Variants in ADAM23 observed in about 807,000 individuals in gnomAD.
The protein encoded by ADAM23 is ADAM metallopeptidase domain 23, also known as disintegrin and metalloproteinase domain-containing protein 23.
Under a neutral mutation model 120.1 loss-of-function variants are expected in ADAM23, and 33 were observed. The observed-to-expected ratio is 0.27, with a 90% CI of 0.21 to 0.37. The LOEUF (loss-of-function observed/expected upper bound fraction) is 0.37. Among genes scored for constraint, ADAM23 ranks in the 10% least tolerant of loss-of-function variants. The probability of loss-of-function intolerance (pLI) is 1.00; values close to 1 mark genes in which losing one functional copy is unlikely to be tolerated. For missense variants in ADAM23, 862 were observed against 1,058.2 expected, an observed-to-expected ratio of 0.81 and a Z score of 2.57; for synonymous variants, 367 against 375.2, an observed-to-expected ratio of 0.98 and a Z score of 0.25.
At chr2:206,479,797 A>G (rs538762862) in intron 2 of ADAM23, among the ~76,000 whole-genome samples, 2 of 152,100 alleles carry the variant, frequency 1.3e-5, no homozygotes, top group Non-Finnish European at 2.9e-5. Flanking sequence ...TATGGCATTA[A>G]GGATTTAGGA....
At chr2:206,605,294 A>C (rs1320094251) in intron 24 of ADAM23, among the ~76,000 whole-genome samples, 3 of 152,246 alleles carry the variant, frequency 2.0e-5, no homozygotes, top group African/African-American at 7.2e-5. Context: ...CTTCCCAGGT[A>C]AACATGTATT....
intron 25 of ADAM23, among the ~76,000 whole-genome samples, chr2:206,611,996 C>G (rs1328497183): frequency 6.6e-6 from 1 of 152,162 alleles, no homozygotes. Context: ...TGCCCTGTAA[C>G]TCTGATAATC....
intron 3 of ADAM23, among the ~76,000 whole-genome samples, chr2:206,509,685 G>T (rs764153779): frequency 5.3e-5 from 8 of 152,220 alleles, no homozygotes; most frequent in Non-Finnish European, 8.8e-5. Flanking sequence ...CTGACCTCAG[G>T]TGATCCGCCG....
At chr2:206,486,170 A>G (rs979474407) in intron 3 of ADAM23, among the ~76,000 whole-genome samples, 1 of 152,116 alleles carries the variant, frequency 6.6e-6, no homozygotes, top group African/African-American at 2.4e-5. Flanking sequence ...TCAGATTTCT[A>G]TTTTATTTAG....
At chr2:206,461,237 T>A (rs1695412354) in intron 2 of ADAM23, among the ~76,000 whole-genome samples, 1 of 151,956 alleles carries the variant, frequency 6.6e-6, no homozygotes, top group Admixed American at 6.6e-5. Context: ...AATTTTTGTA[T>A]TTTTAGAAGA....
intron 3 of ADAM23, among the ~76,000 whole-genome samples, chr2:206,520,268 G>C (rs1696816046): frequency 6.6e-6 from 1 of 152,132 alleles, no homozygotes; most frequent in South Asian, 2.1e-4. Flanking sequence ...GGTTGTGGTG[G>C]TGCAGGAGAA....
Position 206,550,160 on chromosome 2 carries a change from G to A in ADAM23, c.933G>A (p.Thr311=). 3.2e-6 allele frequency: 5 copies of A among 1,559,960 alleles called. No homozygotes were observed. Among genetic ancestry groups the A allele is most frequent in the Non-Finnish European group, 3.5e-6 (4 of 1,136,170 alleles). The change falls in exon 9 of 26, where the codon ACG becomes ACA. Residue 311 remains threonine, a splice_region_variant and synonymous_variant. Coordinates refer to ENST00000264377, the MANE Select transcript of ADAM23 (RefSeq NM_003812.4). ...TTATGATTGTTAATGATCACAAAAC[G>A]GTAAGAATATAGAGTCAGTGGGTTT... ...LELMIVNDHK[T]YKKHRSSHAH...
intron 24 of ADAM23, among the ~76,000 whole-genome samples, chr2:206,604,434 G>A (rs192326689): frequency 3.3e-5 from 5 of 152,066 alleles, no homozygotes; most frequent in Admixed American, 3.3e-4. Context: ...TAGTTCAGGT[G>A]GTTTTGAGTT....
intron 14 of ADAM23, among the ~76,000 whole-genome samples, chr2:206,566,401 C>G (rs1697881180): frequency 2.6e-5 from 4 of 152,044 alleles, no homozygotes; most frequent in Admixed American, 1.3e-4. Flanking sequence ...AATAAGTGGC[C>G]TGTCACTCGC....
chr2:206,573,249 C>T, intron 18 of ADAM23, 54 bp downstream of exon 18: 2 of 1,530,020 alleles, frequency 1.3e-6, no homozygotes, highest in Non-Finnish European at 1.8e-6. Flanking sequence ...GTTGAGTATT[C>T]CTTACCACAG....
chr2:206,577,427 A>C (rs1325095696), intron 18 of ADAM23, among the ~76,000 whole-genome samples: 5 of 113,304 alleles, frequency 4.4e-5, no homozygotes, highest in South Asian at 3.4e-4. Flanking sequence ...CCCACCCCAC[A>C]ACAGTCCCCA....
intron 2 of ADAM23, among the ~76,000 whole-genome samples, chr2:206,479,733 C>T (rs957367284): frequency 3.3e-5 from 5 of 152,056 alleles, no homozygotes; most frequent in East Asian, 1.9e-4. Context: ...ACAGGAAGCC[C>T]ACAAGTATGG....
rs773389657 is a variant in ADAM23 at position 206,550,138 on chromosome 2, T to C, written c.911T>C (p.Met304Thr). Residue 304 changes from methionine (M) to threonine (T), a missense_variant, in exon 9 of 26, where the codon ATG becomes ACG. Transcript: ENST00000264377. ...IFEEMKYLEL[M>T]IVNDHKTYKK... The stretch of plus-strand genomic sequence containing the variant: ...GAAGAAATGAAATATTTGGAACTTA[T>C]GATTGTTAATGATCACAAAACGGTA... 2 of 1,584,256 alleles carry C rather than the reference T, an allele frequency of 1.3e-6. No individual in the cohort carries two copies. Among genetic ancestry groups the C allele is most frequent in the South Asian group, 1.1e-5 (1 of 89,368 alleles).
At chr2:206,458,186 C>T (rs1189016922) in intron 2 of ADAM23, among the ~76,000 whole-genome samples, 1 of 73,698 alleles carries the variant, frequency 1.4e-5, no homozygotes, top group Non-Finnish European at 3.1e-5. Context: ...TGGAACTGGA[C>T]AAGTTACTTA....
intron 25 of ADAM23, among the ~76,000 whole-genome samples, chr2:206,617,213 GCT>G (rs1394924128): frequency 2.1e-4 from 32 of 152,204 alleles, no homozygotes; most frequent in African/African-American, 7.2e-4. Context: ...CTCCCAATAG[GCT>G]CCTTCATGGA....
At chr2:206,547,565 C>T in intron 7 of ADAM23, 64 bp downstream of exon 7, 1 of 1,378,588 alleles carries the variant, frequency 7.3e-7, no homozygotes, top group South Asian at 1.3e-5. Context: ...TGGTGGAGCT[C>T]AGTAGATATG....
At chr2:206,507,782 C>T (rs80092916) in intron 3 of ADAM23, among the ~76,000 whole-genome samples, 378 of 152,306 alleles carry the variant, frequency 2.5e-3, no homozygotes, top group Non-Finnish European at 4.0e-3. Context: ...AAAATGCAAA[C>T]TTGCCTTTTA....
rs184453064 is a variant in ADAM23 at position 206,569,756 on chromosome 2, C to T, written c.1495-984C>T. Reference sequence around the variant, plus strand: ...GGACTTTTCCACAGGGGGAGTCCCACCCAAGTAGCCTGGAAACCTTTGCTT... The same window carrying T: ...GGACTTTTCCACAGGGGGAGTCCCATCCAAGTAGCCTGGAAACCTTTGCTT... On this transcript the variant is annotated intron_variant, in intron 15 of 25. Coordinates refer to ENST00000264377, the MANE Select transcript of ADAM23 (RefSeq NM_003812.4). 2.0e-3 allele frequency among the ~76,000 whole-genome samples: 302 copies of T among 152,300 alleles called. 1 individual carries two copies. The highest frequency in any genetic ancestry group is 3.4e-3 in the Non-Finnish European group (234 of 68,030).
At chr2:206,584,979 C>G (rs533003868) in intron 18 of ADAM23, among the ~76,000 whole-genome samples, 2 of 152,126 alleles carry the variant, frequency 1.3e-5, no homozygotes, top group Non-Finnish European at 2.9e-5. Context: ...CAGGTAAAGT[C>G]GGAAACTTTT....
Sources: gnomAD v4.1 joint callset for allele counts (sites outside exome capture counted in the v4.1 genomes callset) on GRCh38, gnomAD v4.1.1 for gene constraint, MANE v1.5 for transcripts, NCBI Gene and HGNC (gene_info 2026-07-23, HGNC 2026-07-21) for gene names.